DCBLD2: variants seen among roughly 807,000 people sequenced by gnomAD.
The protein encoded by DCBLD2 is discoidin, CUB and LCCL domain-containing protein 2.
Under a neutral mutation model 86.8 loss-of-function variants are expected in DCBLD2, and 54 were observed. That is an observed-to-expected ratio of 0.62 (90% CI 0.50 to 0.78). DCBLD2 has a LOEUF of 0.78. Ranked by LOEUF, DCBLD2 falls within the 30% of genes least tolerant of loss-of-function variation. The probability of loss-of-function intolerance (pLI) is 0.00; values close to 1 mark genes in which losing one functional copy is unlikely to be tolerated. For missense variants in DCBLD2, 908 were observed against 954.2 expected, an observed-to-expected ratio of 0.95 and a Z score of 0.64; for synonymous variants, 354 against 341.3, an observed-to-expected ratio of 1.04 and a Z score of -0.41.
intron 2 of DCBLD2, among the ~76,000 whole-genome samples, chr3:98,864,398 T>C (rs1365853829): frequency 1.6e-5 from 2 of 127,996 alleles, no homozygotes; most frequent in African/African-American, 5.1e-5. Flanking sequence ...TAAAGGCACA[T>C]GCGCATGTAT....
Position 98,796,706 on chromosome 3 carries a change from C to G in DCBLD2, c.*2666G>C, listed in dbSNP as rs545138143. 6.6e-6 allele frequency: 1 copy of G among 152,652 alleles called. No individual in the cohort carries two copies. The highest frequency in any genetic ancestry group is 2.4e-5 in the African/African-American group (1 of 41,448). 9.5% of individuals were successfully genotyped at this position (152,652 alleles called of 1,614,324 possible). On this transcript the variant is annotated 3_prime_UTR_variant, in exon 16 of 16. Coordinates refer to ENST00000326840, the MANE Select transcript of DCBLD2 (RefSeq NM_080927.4). Reference sequence around the variant, plus strand: ...ACTGGACTAGACCCATCACATCCAACAGGATCTATTTAGATTTACAGCATT... The same window carrying G: ...ACTGGACTAGACCCATCACATCCAAGAGGATCTATTTAGATTTACAGCATT...
intron 3 of DCBLD2, among the ~76,000 whole-genome samples, chr3:98,841,199 T>C (rs1475170774): frequency 2.0e-5 from 3 of 152,106 alleles, no homozygotes; most frequent in East Asian, 1.9e-4. Context: ...GATAATGTGA[T>C]TGTGAGAAAG....
At chr3:98,819,177 C>A in intron 8 of DCBLD2, 25 bp downstream of exon 8, 1 of 1,530,912 alleles carries the variant, frequency 6.5e-7, no homozygotes, top group Middle Eastern at 2.3e-4. Context: ...TTACAAATTG[C>A]TTTAGAAAAT....
intron 3 of DCBLD2, among the ~76,000 whole-genome samples, chr3:98,838,958 G>C (rs2107471122): frequency 6.6e-6 from 1 of 151,176 alleles, no homozygotes; most frequent in African/African-American, 2.4e-5. Context: ...ATCAGGCAGG[G>C]AGGTTGCAGT....
At position 98,819,067 on chromosome 3, in the gene DCBLD2, AC is replaced by A. The variant is rs1942071571; in HGVS notation, c.1087+134del. 2 of 868,970 alleles carry A rather than the reference AC, an allele frequency of 2.3e-6. 1 individual carries two copies. Among genetic ancestry groups the A allele is most frequent in the South Asian group, 3.7e-5 (2 of 54,240 alleles). 53.8% of individuals were successfully genotyped at this position (868,970 alleles called of 1,614,324 possible). A position where few individuals can be genotyped will look rare whatever the true frequency, so the allele number is the denominator to read the frequency against. On this transcript the variant is annotated intron_variant, in intron 8 of 15. Transcript: ENST00000326840. ...ATAAAATGTGTCTCTAGTAATATTA[AC>A]ATCAGTGAAGAAAATATAAAACCAT...
intron 15 of DCBLD2, 35 bp from the exon 16 acceptor site, chr3:98,799,876 T>C (rs764918321): frequency 4.6e-6 from 7 of 1,533,716 alleles, no homozygotes; most frequent in African/African-American, 1.4e-5. Flanking sequence ...AAAGTCATTT[T>C]ACTAGTAAAG....
chr3:98,815,974 C>T (rs1576160288), intron 9 of DCBLD2: 1 of 138,242 alleles, frequency 7.2e-6, no homozygotes, highest in East Asian at 2.2e-4. Context: ...AAAAAAAGAA[C>T]TACAATTTTC....
intron 7 of DCBLD2, 54 bp downstream of exon 7, chr3:98,820,194 G>T: frequency 8.4e-7 from 1 of 1,185,550 alleles, no homozygotes; most frequent in Non-Finnish European, 1.1e-6. Context: ...GTGCCTAACA[G>T]TGTTCAAAAA....
chr3:98,834,441 C>G (rs1942389756), intron 3 of DCBLD2, among the ~76,000 whole-genome samples: 1 of 151,630 alleles, frequency 6.6e-6, no homozygotes, highest in South Asian at 2.1e-4. Context: ...TAATCAACCT[C>G]TCTTCATCCC....
rs1262130689 is a variant in DCBLD2 at position 98,881,439 on chromosome 3, A to G, written c.433+101T>C. 3 of 1,059,394 alleles carry G rather than the reference A, an allele frequency of 2.8e-6. No individual in the cohort carries two copies. The East Asian group carries it at 7.2e-5, about 25-fold the overall frequency. The allele number at this position is 1,059,394 out of a possible 1,614,324, so 65.6% of individuals were successfully genotyped here. On this transcript the variant is annotated intron_variant, in intron 2 of 15. Transcript: ENST00000326840. ...TTACACATATTCAATAATTTCCCAC[A>G]TAGCACCTTACACTGCATGGTTATT...
chr3:98,823,037 T>C (rs2107449716), intron 4 of DCBLD2, among the ~76,000 whole-genome samples: 1 of 152,274 alleles, frequency 6.6e-6, no homozygotes, highest in Admixed American at 6.5e-5. Context: ...CACACCTGGC[T>C]AATTTTTGTA....
At chr3:98,825,639 GTATTTA>G (rs1281072285) in intron 3 of DCBLD2, among the ~76,000 whole-genome samples, 14 of 59,434 alleles carry the variant, frequency 2.4e-4, no homozygotes, top group South Asian at 1.6e-3. Context: ...ATGTATATGT[GTATTTA>G]TATATATATA....
intron 2 of DCBLD2, among the ~76,000 whole-genome samples, chr3:98,860,090 T>G (rs1389752840): frequency 6.6e-6 from 1 of 152,214 alleles, no homozygotes; most frequent in African/African-American, 2.4e-5. Context: ...CAAGCTTCAG[T>G]AGATAATTCA....
chr3:98,879,519 T>C (rs566335450), intron 2 of DCBLD2, among the ~76,000 whole-genome samples: 9 of 152,238 alleles, frequency 5.9e-5, no homozygotes, highest in African/African-American at 1.7e-4. Flanking sequence ...CCCAAGTAGC[T>C]GGGACTACAG....
At chr3:98,805,519 A>G (rs1473072279) in intron 13 of DCBLD2, among the ~76,000 whole-genome samples, 2 of 152,192 alleles carry the variant, frequency 1.3e-5, no homozygotes, top group Admixed American at 6.5e-5. Flanking sequence ...TTCATTACGT[A>G]TAAAGTGCTT....
At chr3:98,825,176 A>G (rs1388177060) in intron 4 of DCBLD2, 139 bp downstream of exon 4, 1 of 622,916 alleles carries the variant, frequency 1.6e-6, no homozygotes, top group East Asian at 3.5e-5. Context: ...GTAAGCTCTA[A>G]TTTATTGAAG....
At chr3:98,847,843 C>G in intron 3 of DCBLD2, among the ~76,000 whole-genome samples, 1 of 132,030 alleles carries the variant, frequency 7.6e-6, no homozygotes, top group African/African-American at 3.0e-5. Flanking sequence ...ACTTTCTCAT[C>G]ATGGTACCCC....
Position 98,799,600 on chromosome 3 carries a change from AGTGGAT to A in DCBLD2, c.2094_2099del (p.Ser699_Thr700del). 1 of 1,614,014 alleles carries A rather than the reference AGTGGAT, an allele frequency of 6.2e-7. No homozygotes were observed. Among genetic ancestry groups the A allele is most frequent in the Non-Finnish European group, 8.5e-7 (1 of 1,179,890 alleles). On this transcript the variant is annotated inframe_deletion, in exon 16 of 16. Transcript: ENST00000326840. ...GAGGTTGGTTCCCCGTAGCCTTGAA[AGTGGAT>A]GTGGAGGGCTGACCAACTGAAGTTG...
At chr3:98,900,700 G>C (rs541699809) in intron 1 of DCBLD2, 6 of 196,192 alleles carry the variant, frequency 3.1e-5, no homozygotes, top group Non-Finnish European at 6.3e-5. Flanking sequence ...TTTCACAAAG[G>C]ATCATAATTA....
Sources: gnomAD v4.1 joint callset for allele counts (sites outside exome capture counted in the v4.1 genomes callset) on GRCh38, gnomAD v4.1.1 for gene constraint, MANE v1.5 for transcripts, NCBI Gene and HGNC (gene_info 2026-07-23, HGNC 2026-07-21) for gene names.